The following NOX5 variants were observed in gnomAD, a reference collection of about 807,000 sequenced individuals.
NOX5 encodes the protein NADPH oxidase 5.
Under a neutral mutation model 85.7 loss-of-function variants are expected in NOX5, and 76 were observed. That is an observed-to-expected ratio of 0.89 (90% CI 0.74 to 1.07). The LOEUF (loss-of-function observed/expected upper bound fraction) is 1.07. Ranked by LOEUF, NOX5 falls within the 50% of genes least tolerant of loss-of-function variation. The pLI is 0.00. For missense variants in NOX5, 973 were observed against 999.5 expected, an observed-to-expected ratio of 0.97 and a Z score of 0.36; for synonymous variants, 405 against 401.4, an observed-to-expected ratio of 1.01 and a Z score of -0.11.
Position 69,028,381 on chromosome 15 carries a change from G to A in NOX5, c.325+16G>A, listed in dbSNP as rs2050387057. The A allele has an allele frequency of 1.3e-6, 2 of 1,578,872 alleles. No homozygotes were observed. The highest frequency in any genetic ancestry group is 2.4e-5 in the South Asian group (2 of 84,962). On this transcript the variant is annotated intron_variant, in intron 3 of 15. Transcript: ENST00000388866. The stretch of plus-strand genomic sequence containing the variant: ...GACATCGATGGTAAGGGCTCTTCCT[G>A]GGTGTGGGCTGGGGTGGGGAGATCA...
rs973932321 is a variant in NOX5 at position 69,037,202 on chromosome 15, C to G, written c.1363C>G (p.Pro455Ala). Residue 455 changes from proline (P) to alanine (A), a missense_variant, in exon 8 of 16, where the codon CCC becomes GCC. Coordinates refer to ENST00000388866, the MANE Select transcript of NOX5 (RefSeq NM_024505.4). Reference sequence around the variant, plus strand: ...GTGCATCATGGAAGTCAACCTCCTCCCCTCCAAGGTACAAAGGTGGGGGAT... The same window carrying G: ...GTGCATCATGGAAGTCAACCTCCTCGCCTCCAAGGTACAAAGGTGGGGGAT... ...AVCIMEVNLL[P>A]SKVTHLLIKR... 1 of 1,613,208 alleles carries G rather than the reference C, an allele frequency of 6.2e-7. No homozygotes were observed. The highest frequency in any genetic ancestry group is 1.3e-5 in the African/African-American group (1 of 74,872).
intron 10 of NOX5, among the ~76,000 whole-genome samples, chr15:69,043,951 C>T (rs554264539): frequency 2.0e-5 from 3 of 152,236 alleles, no homozygotes; most frequent in South Asian, 2.1e-4. Flanking sequence ...TTTGGGAGGC[C>T]GAGGCTGGCG....
intron 1 of NOX5, among the ~76,000 whole-genome samples, chr15:69,015,349 C>T (rs966618523): frequency 2.6e-5 from 4 of 152,312 alleles, no homozygotes; most frequent in African/African-American, 9.6e-5. Context: ...TCTCCCCTTG[C>T]ACAGGCCCAC....
Position 69,047,437 on chromosome 15 carries a change from AC to A in NOX5, c.1722del (p.Thr575ProfsTer55). On this transcript the variant is annotated frameshift_variant, in exon 12 of 16. Coordinates refer to ENST00000388866, the MANE Select transcript of NOX5 (RefSeq NM_024505.4). LOFTEE classifies it high-confidence loss of function. ...IKCYIDGPYG[T>X]PTRRIFASEH... Reference sequence around the variant, plus strand: ...GTGCTACATCGATGGGCCTTATGGGACCCCCACCCGCAGGATCTTTGCCTCT... The same window carrying A: ...GTGCTACATCGATGGGCCTTATGGGACCCCACCCGCAGGATCTTTGCCTCT... 1 of 1,613,234 alleles carries A rather than the reference AC, an allele frequency of 6.2e-7. No individual in the cohort carries two copies. The highest frequency in any genetic ancestry group is 8.5e-7 in the Non-Finnish European group (1 of 1,179,780).
intron 14 of NOX5, among the ~76,000 whole-genome samples, chr15:69,051,019 A>C (rs1346745177): frequency 4.6e-5 from 7 of 152,200 alleles, no homozygotes; most frequent in Non-Finnish European, 1.0e-4. Context: ...AGGAGAAACT[A>C]TGCAGATTTT....
chr15:69,020,174 G>A (rs1376062971), intron 1 of NOX5, among the ~76,000 whole-genome samples: 5 of 152,110 alleles, frequency 3.3e-5, no homozygotes, highest in Admixed American at 1.3e-4. Context: ...TGTTATTGTT[G>A]CCCTTTTAGT....
chr15:69,048,742 G>A (rs375330433), intron 13 of NOX5, among the ~76,000 whole-genome samples: 2 of 152,166 alleles, frequency 1.3e-5, no homozygotes, highest in South Asian at 2.1e-4. Context: ...GAAAATCCCC[G>A]CCTTGGGGTC....
At chr15:69,055,925 T>C (rs8024894) in intron 15 of NOX5, among the ~76,000 whole-genome samples, 14,503 of 152,220 alleles carry the variant, frequency 0.095, 1,368 homozygotes, top group African/African-American at 0.23. Flanking sequence ...TATTTTTCTT[T>C]CCTGAACACT....
At chr15:69,023,482 G>C in intron 1 of NOX5, 1 of 406,440 alleles carries the variant, frequency 2.5e-6, no homozygotes, top group South Asian at 1.9e-5. Context: ...CTGAAATCCC[G>C]AATAGAGCCA....
chr15:69,048,720 G>C (rs1449219365), intron 13 of NOX5, among the ~76,000 whole-genome samples: 2 of 152,132 alleles, frequency 1.3e-5, no homozygotes, highest in Non-Finnish European at 2.9e-5. Flanking sequence ...GTAAACAATA[G>C]AAGATATTAG....
Position 69,056,807 on chromosome 15 carries a change from G to T in NOX5, c.*111G>T. ...CAGATGACCCACCCAATAAGACAAA[G>T]CCTAGGGACCCCCTAATCCTGCTCA... On this transcript the variant is annotated 3_prime_UTR_variant, in exon 16 of 16. Transcript: ENST00000388866. 7.4e-7 allele frequency: 1 copy of T among 1,360,080 alleles called. No individual in the cohort carries two copies. Among genetic ancestry groups the T allele is most frequent in the Non-Finnish European group, 9.9e-7 (1 of 1,005,818 alleles). The allele number at this position is 1,360,080 out of a possible 1,614,324, so 84.3% of individuals were successfully genotyped here. A position where few individuals can be genotyped will look rare whatever the true frequency, so the allele number is the denominator to read the frequency against.
intron 1 of NOX5, among the ~76,000 whole-genome samples, chr15:69,024,721 A>G (rs1224178184): frequency 1.3e-5 from 2 of 152,154 alleles, no homozygotes; most frequent in African/African-American, 2.4e-5. Flanking sequence ...TAGGAAACAC[A>G]TAGTCTATAT....
At chr15:69,030,169 A>G (rs311901) in intron 3 of NOX5, 130,909 of 152,222 alleles carry the variant, frequency 0.86, 57,825 homozygotes, top group Non-Finnish European at 0.96. Context: ...ATATGATCTT[A>G]GACTAGTTAC....
intron 1 of NOX5, chr15:69,023,830 C>A: frequency 5.6e-6 from 1 of 177,186 alleles, no homozygotes. Context: ...GTGTGGTTTC[C>A]ATAGCAATGC....
intron 5 of NOX5, among the ~76,000 whole-genome samples, chr15:69,033,569 C>T (rs1264217523): frequency 2.0e-5 from 3 of 152,166 alleles, no homozygotes; most frequent in African/African-American, 7.2e-5. Flanking sequence ...TATAGTGGAC[C>T]CCTGTGCAGG....
chr15:69,040,039 T>C (rs1371601388), intron 9 of NOX5, among the ~76,000 whole-genome samples: 1 of 152,224 alleles, frequency 6.6e-6, no homozygotes, highest in Non-Finnish European at 1.5e-5. Context: ...TGACTCATCC[T>C]GGTTACAAGC....
At chr15:69,045,981 C>T (rs936025655) in intron 10 of NOX5, 1 of 152,260 alleles carries the variant, frequency 6.6e-6, no homozygotes, top group South Asian at 2.1e-4. Context: ...AGGCTCTACC[C>T]GAGCTCTGTG....
chr15:69,052,637 A>C (rs1472757387), intron 14 of NOX5, among the ~76,000 whole-genome samples: 3 of 152,226 alleles, frequency 2.0e-5, no homozygotes, highest in African/African-American at 7.2e-5. Context: ...TTATACATTC[A>C]AGGAATCAAA....
At chr15:69,042,622 A>AC in intron 9 of NOX5, 41 bp from the exon 10 acceptor site, 1 of 1,590,730 alleles carries the variant, frequency 6.3e-7, no homozygotes, top group Non-Finnish European at 8.5e-7. Context: ...GGTGCCGGTC[A>AC]CTATGGACCT....
Sources: allele counts gnomAD v4.1 joint callset (sites outside exome capture counted in the v4.1 genomes callset), GRCh38; gene constraint gnomAD v4.1.1; transcripts MANE v1.5; gene names NCBI Gene and HGNC (gene_info 2026-07-23, HGNC 2026-07-21).